The following ANO3 variants were observed in gnomAD, a reference collection of about 807,000 sequenced individuals.
ANO3 encodes anoctamin 3.
In ANO3, 99 loss-of-function variants were observed where a neutral mutation model predicts 144.8. The observed-to-expected ratio is 0.68, with a 90% CI of 0.58 to 0.81. The LOEUF (loss-of-function observed/expected upper bound fraction) is 0.81, where lower values mean the gene tolerates loss of function less well. ANO3 is among the 30% of genes least tolerant of loss of function. The probability of loss-of-function intolerance (pLI) is 0.00; values close to 1 mark genes in which losing one functional copy is unlikely to be tolerated. For synonymous variants in ANO3, 414 were observed against 392.6 expected, an observed-to-expected ratio of 1.05 and a Z score of -0.64; for missense variants, 905 against 1,202.2, an observed-to-expected ratio of 0.75 and a Z score of 3.66.
At chr11:26,549,110 A>G (rs1397683190) in intron 12 of ANO3, among the ~76,000 whole-genome samples, 1 of 152,004 alleles carries the variant, frequency 6.6e-6, no homozygotes, top group Non-Finnish European at 1.5e-5. Context: ...AAATGAACAA[A>G]GAGGAATGAA....
intron 3 of ANO3, among the ~76,000 whole-genome samples, chr11:26,452,868 G>A (rs1428285655): frequency 1.3e-5 from 2 of 152,224 alleles, no homozygotes; most frequent in East Asian, 3.9e-4. Context: ...CCATCAGACT[G>A]ACAGCAGATC....
At chr11:26,562,972 CAG>C (rs1850352664) in intron 14 of ANO3, 2 of 1,174,126 alleles carry the variant, frequency 1.7e-6, no homozygotes, top group South Asian at 2.4e-5. Flanking sequence ...CTTTGATAAA[CAG>C]AAGGTGGATC....
chr11:26,351,025 T>G (rs1030956354), intron 1 of ANO3, among the ~76,000 whole-genome samples: 2 of 152,188 alleles, frequency 1.3e-5, no homozygotes, highest in Non-Finnish European at 2.9e-5. Flanking sequence ...TCCAGCAAAT[T>G]TATCCTAGTA....
At chr11:26,473,071 C>T (rs1222397916) in intron 4 of ANO3, among the ~76,000 whole-genome samples, 1 of 151,958 alleles carries the variant, frequency 6.6e-6, no homozygotes, top group African/African-American at 2.4e-5. Context: ...TTTAAACCTA[C>T]ATATTAGAGT....
intron 4 of ANO3, among the ~76,000 whole-genome samples, chr11:26,468,109 A>G (rs1235241827): frequency 2.0e-5 from 3 of 151,826 alleles, no homozygotes; most frequent in Non-Finnish European, 4.4e-5. Context: ...CATCCCACAT[A>G]CCAGCTGAGG....
upstream of ANO3, among the ~76,000 whole-genome samples, chr11:26,331,247 G>C (rs1231636551): frequency 6.6e-6 from 1 of 152,094 alleles, no homozygotes; most frequent in Non-Finnish European, 1.5e-5. Flanking sequence ...CGGGTGATGG[G>C]GTGATCTGTG....
intron 1 of ANO3, among the ~76,000 whole-genome samples, chr11:26,201,974 T>C (rs1851702840): frequency 6.6e-6 from 1 of 151,238 alleles, no homozygotes; most frequent in African/African-American, 2.4e-5. Flanking sequence ...AATATTTACA[T>C]TTACACTTAC....
At chr11:26,306,024 T>C (rs1854372359), upstream of ANO3, among the ~76,000 whole-genome samples, 1 of 152,088 alleles carries the variant, frequency 6.6e-6, no homozygotes, top group Non-Finnish European at 1.5e-5. Context: ...AGTGGCGCGA[T>C]CTCGGCTCAC....
chr11:26,628,972 T>G (rs966450744), intron 18 of ANO3, among the ~76,000 whole-genome samples: 1 of 152,090 alleles, frequency 6.6e-6, no homozygotes, highest in African/African-American at 2.4e-5. Context: ...TATACACAAG[T>G]GCTTATCCAG....
intron 17 of ANO3, among the ~76,000 whole-genome samples, chr11:26,613,274 G>T (rs1322944338): frequency 6.6e-6 from 1 of 151,990 alleles, no homozygotes; most frequent in Non-Finnish European, 1.5e-5. Flanking sequence ...GTCTGTTGTT[G>T]GAACTGTCAA....
intron 10 of ANO3, among the ~76,000 whole-genome samples, chr11:26,541,542 A>G (rs946930801): frequency 1.3e-5 from 2 of 152,146 alleles, no homozygotes; most frequent in Admixed American, 6.6e-5. Context: ...ATAAAAATGG[A>G]AGAAACCTTT....
At chr11:26,470,191 T>C (rs1311698695) in intron 4 of ANO3, among the ~76,000 whole-genome samples, 1 of 151,504 alleles carries the variant, frequency 6.6e-6, no homozygotes, top group Admixed American at 6.6e-5. Flanking sequence ...TAATCTGGAG[T>C]GTGAGCCCAG....
chr11:26,291,695 TG>T, intron 1 of ANO3, among the ~76,000 whole-genome samples: 1 of 152,366 alleles, frequency 6.6e-6, no homozygotes, highest in East Asian at 1.9e-4. Context: ...TATGAAATTC[TG>T]GGTTGAAATT....
intron 1 of ANO3, among the ~76,000 whole-genome samples, chr11:26,312,151 A>G (rs1854515120): frequency 6.6e-6 from 1 of 152,182 alleles, no homozygotes; most frequent in African/African-American, 2.4e-5. Context: ...AGTTTCATCC[A>G]TGTTCCTACA....
At chr11:26,626,449 G>A (rs1316845832) in intron 18 of ANO3, among the ~76,000 whole-genome samples, 1 of 152,174 alleles carries the variant, frequency 6.6e-6, no homozygotes, top group East Asian at 1.9e-4. Flanking sequence ...CTCTAACATT[G>A]GGTATAATTG....
intron 7 of ANO3, among the ~76,000 whole-genome samples, chr11:26,528,334 A>C (rs999238441): frequency 2.6e-5 from 4 of 152,166 alleles, no homozygotes; most frequent in Admixed American, 1.3e-4. Context: ...TGTGGTATTC[A>C]AATTTAGGCC....
intron 1 of ANO3, among the ~76,000 whole-genome samples, chr11:26,313,662 G>A (rs1273596866): frequency 6.6e-6 from 1 of 151,730 alleles, no homozygotes; most frequent in Non-Finnish European, 1.5e-5. Flanking sequence ...ACTCCAGCCT[G>A]GTGATGAAGC....
chr11:26,457,813 A>G (rs912350976), intron 3 of ANO3, among the ~76,000 whole-genome samples: 1 of 151,848 alleles, frequency 6.6e-6, no homozygotes, highest in Admixed American at 6.6e-5. Flanking sequence ...TTATTCTGCT[A>G]CTAGAGAACA....
intron 1 of ANO3, among the ~76,000 whole-genome samples, chr11:26,410,054 C>T (rs1187837737): frequency 6.6e-6 from 1 of 151,740 alleles, no homozygotes; most frequent in Admixed American, 6.6e-5. Context: ...AAAGAAAATG[C>T]TGTTTACATT....
Sources: gnomAD v4.1 joint callset for allele counts (sites outside exome capture counted in the v4.1 genomes callset) on GRCh38, gnomAD v4.1.1 for gene constraint, MANE v1.5 for transcripts, NCBI Gene and HGNC (gene_info 2026-07-23, HGNC 2026-07-21) for gene names.